Variants in ZSWIM6 observed in about 807,000 individuals in gnomAD.
ZSWIM6 encodes the protein zinc finger SWIM domain-containing protein 6.
Under a neutral mutation model 113.2 loss-of-function variants are expected in ZSWIM6, and 9 were observed. The ratio of observed to expected loss-of-function variants is 0.08; its 90% confidence interval spans 0.05 to 0.14. ZSWIM6 has a LOEUF of 0.14. Among genes scored for constraint, ZSWIM6 ranks in the 10% least tolerant of loss-of-function variants. The pLI, the probability that ZSWIM6 is intolerant of heterozygous loss-of-function variation, is 1.00. For synonymous variants in ZSWIM6, 611 were observed against 606.5 expected (o/e 1.01, Z -0.11); for missense variants, 1,162 against 1,552.2 (o/e 0.75, Z 4.22).
At chr5:61,475,864 C>G (rs1309074517) in intron 2 of ZSWIM6, among the ~76,000 whole-genome samples, 2 of 152,202 alleles carry the variant, frequency 1.3e-5, no homozygotes, top group Admixed American at 6.5e-5. Flanking sequence ...ATGTAAGCCA[C>G]TCTCTTTTAA....
Position 61,450,054 on chromosome 5 carries a change from C to T in ZSWIM6, c.677-22627C>T, listed in dbSNP as rs557021753. On this transcript the variant is annotated intron_variant, in intron 1 of 13. Transcript: ENST00000252744. ...AATAGTTTCCTTTTTAGGAAAATTA[C>T]GTGTTCCAAATTGATATATCCCTGT... Among the ~76,000 whole-genome samples the T allele has an allele frequency of 4.6e-5, 7 of 152,228 alleles. No homozygotes were observed. The South Asian group carries it at 1.2e-3, about 27-fold the overall frequency.
At chr5:61,484,998 A>G (rs994829016) in intron 2 of ZSWIM6, among the ~76,000 whole-genome samples, 1 of 152,198 alleles carries the variant, frequency 6.6e-6, no homozygotes, top group Non-Finnish European at 1.5e-5. Flanking sequence ...GATAATGTTT[A>G]TGAGGATGCT....
At chr5:61,510,122 T>A in intron 4 of ZSWIM6, among the ~76,000 whole-genome samples, 1 of 151,794 alleles carries the variant, frequency 6.6e-6, no homozygotes, top group Middle Eastern at 3.4e-3. Context: ...TAAGGTCTTA[T>A]GGCTGGTAAT....
intron 1 of ZSWIM6, among the ~76,000 whole-genome samples, chr5:61,371,940 C>T (rs1237343894): frequency 2.0e-5 from 3 of 152,118 alleles, no homozygotes; most frequent in Non-Finnish European, 4.4e-5. Context: ...TTCCACTTTC[C>T]ATTTTGATGT....
intron 1 of ZSWIM6, among the ~76,000 whole-genome samples, chr5:61,453,306 CAT>C (rs1747123275): frequency 6.6e-6 from 1 of 151,386 alleles, no homozygotes; most frequent in African/African-American, 2.4e-5. Flanking sequence ...AGCTACTTAA[CAT>C]ATATATTACC....
chr5:61,389,472 T>A (rs1745656099), intron 1 of ZSWIM6, among the ~76,000 whole-genome samples: 1 of 150,100 alleles, frequency 6.7e-6, no homozygotes, highest in Non-Finnish European at 1.5e-5. Flanking sequence ...GGAGAATTGC[T>A]TTAACCTGGG....
chr5:61,386,251 A>G (rs1038324790), intron 1 of ZSWIM6, among the ~76,000 whole-genome samples: 2 of 152,168 alleles, frequency 1.3e-5, no homozygotes, highest in Non-Finnish European at 2.9e-5. Context: ...GCATCTGTGG[A>G]CATTTCTCTT....
intron 4 of ZSWIM6, among the ~76,000 whole-genome samples, chr5:61,510,680 A>C (rs1330624794): frequency 6.6e-6 from 1 of 152,170 alleles, no homozygotes; most frequent in African/African-American, 2.4e-5. Flanking sequence ...CAGATGATGC[A>C]CACACCAGCA....
At chr5:61,447,976 A>G (rs892494170) in intron 1 of ZSWIM6, among the ~76,000 whole-genome samples, 2 of 152,156 alleles carry the variant, frequency 1.3e-5, no homozygotes, top group African/African-American at 4.8e-5. Context: ...GTGGTCAGTT[A>G]GGCAATTGTG....
intron 1 of ZSWIM6, chr5:61,375,359 G>T (rs1352473484): frequency 1.2e-5 from 19 of 1,599,354 alleles, no homozygotes; most frequent in Non-Finnish European, 1.5e-5. Flanking sequence ...TTGTTAAGTG[G>T]AAGTGAGAGC....
chr5:61,350,919 G>T (rs1018601665), intron 1 of ZSWIM6, among the ~76,000 whole-genome samples: 2 of 152,178 alleles, frequency 1.3e-5, no homozygotes, highest in African/African-American at 4.8e-5. Flanking sequence ...GAAATAGATT[G>T]TTACACATCA....
chr5:61,366,743 A>G (rs2112061561), intron 1 of ZSWIM6, among the ~76,000 whole-genome samples: 1 of 152,294 alleles, frequency 6.6e-6, no homozygotes, highest in East Asian at 1.9e-4. Context: ...TAGCTTGAGC[A>G]ACATGGTGAA....
chr5:61,521,293 C>A lies in ZSWIM6; in HGVS notation c.1364C>A (p.Pro455His). 3 of 1,502,856 alleles carry A rather than the reference C, an allele frequency of 2.0e-6. No individual in the cohort carries two copies. Among genetic ancestry groups the A allele is most frequent in the Non-Finnish European group, 1.8e-6 (2 of 1,123,092 alleles). The allele number at this position is 1,502,856 out of a possible 1,614,324, so 93.1% of individuals were successfully genotyped here. A position where few individuals can be genotyped will look rare whatever the true frequency, so the allele number is the denominator to read the frequency against. The change falls in exon 5 of 14, where the codon CCC (proline) becomes CAC (histidine). Residue 455 changes from proline (P) to histidine (H), a missense_variant. Transcript: ENST00000252744. The stretch of plus-strand genomic sequence containing the variant: ...CTGTGGATGTGTATAGTTTTAAACC[C>A]CCACTGCAAGTTGGAGCAAAAGGCC... Reference protein sequence around the residue: ...GALWMCIVLNPHCKLEQKASW... With the variant: ...GALWMCIVLNHHCKLEQKASW...
chr5:61,382,615 C>A (rs1349239936), intron 1 of ZSWIM6, among the ~76,000 whole-genome samples: 1 of 151,958 alleles, frequency 6.6e-6, no homozygotes, highest in Non-Finnish European at 1.5e-5. Context: ...ACCAGCCTGG[C>A]CAACATGGTG....
intron 1 of ZSWIM6, among the ~76,000 whole-genome samples, chr5:61,430,611 G>A (rs1746559533): frequency 6.6e-6 from 1 of 151,950 alleles, no homozygotes; most frequent in South Asian, 2.1e-4. Context: ...ACAGCATATG[G>A]GGGTTCTGCA....
chr5:61,361,553 A>G (rs184748147), intron 1 of ZSWIM6, among the ~76,000 whole-genome samples: 1 of 152,220 alleles, frequency 6.6e-6, no homozygotes, highest in Non-Finnish European at 1.5e-5. Flanking sequence ...TATTAAGACC[A>G]AGAGTACTGA....
At chr5:61,396,384 T>C (rs928323824) in intron 1 of ZSWIM6, among the ~76,000 whole-genome samples, 11 of 151,952 alleles carry the variant, frequency 7.2e-5, no homozygotes, top group African/African-American at 1.9e-4. Context: ...ATACAAAAAT[T>C]AGCTGGGTAT....
At chr5:61,489,340 C>T (rs1056212486) in intron 2 of ZSWIM6, among the ~76,000 whole-genome samples, 13 of 152,128 alleles carry the variant, frequency 8.5e-5, no homozygotes, top group African/African-American at 3.1e-4. Flanking sequence ...GGCCCTCTTC[C>T]TCTGAGCAGT....
intron 1 of ZSWIM6, chr5:61,391,934 A>G: frequency 1.8e-6 from 1 of 545,354 alleles, no homozygotes; most frequent in Non-Finnish European, 3.2e-6. Flanking sequence ...TGAGCCAGGG[A>G]TCCTCTTTGC....
Sources: gnomAD v4.1 joint callset for allele counts (sites outside exome capture counted in the v4.1 genomes callset) on GRCh38, gnomAD v4.1.1 for gene constraint, MANE v1.5 for transcripts, NCBI Gene and HGNC (gene_info 2026-07-23, HGNC 2026-07-21) for gene names.